The following DAB1 variants were observed in gnomAD, a reference collection of about 807,000 sequenced individuals.
DAB1 encodes the protein DAB adaptor protein 1, also known as disabled homolog 1.
In DAB1, 15 loss-of-function variants were observed where a neutral mutation model predicts 64.6. That is an observed-to-expected ratio of 0.23 (90% CI 0.16 to 0.36). DAB1 has a LOEUF of 0.36. Ranked by LOEUF, DAB1 falls within the 10% of genes least tolerant of loss-of-function variation. The pLI, the probability that DAB1 is intolerant of heterozygous loss-of-function variation, is 1.00. For synonymous variants in DAB1, 235 were observed against 251.9 expected, an observed-to-expected ratio of 0.93 and a Z score of 0.64; for missense variants, 596 against 706.7, an observed-to-expected ratio of 0.84 and a Z score of 1.78.
chr1:57,813,929 A>C (rs1404665688), intron 6 of DAB1, among the ~76,000 whole-genome samples: 6 of 152,250 alleles, frequency 3.9e-5, no homozygotes, highest in South Asian at 2.1e-4. Context: ...TAATGAAAGA[A>C]AATAAATATT....
chr1:57,302,777 G>A (rs1673775402), intron 1 of DAB1, among the ~76,000 whole-genome samples: 1 of 152,076 alleles, frequency 6.6e-6, no homozygotes, highest in South Asian at 2.1e-4. Context: ...CTTGGCACAA[G>A]GAGATTTAAA....
intron 1 of DAB1, among the ~76,000 whole-genome samples, chr1:57,342,991 A>AG (rs1338570863): frequency 2.0e-5 from 3 of 149,336 alleles, no homozygotes; most frequent in African/African-American, 7.4e-5. Context: ...AGGGGACCCG[A>AG]GCGGGTTGCC....
intron 7 of DAB1, among the ~76,000 whole-genome samples, chr1:57,600,105 C>A (rs1448320749): frequency 6.6e-6 from 1 of 152,118 alleles, no homozygotes; most frequent in Non-Finnish European, 1.5e-5. Context: ...CTCTGTGCCC[C>A]CTTAGTGATC....
At chr1:57,546,537 GGAT>G (rs1644858625) in intron 7 of DAB1, among the ~76,000 whole-genome samples, 2 of 152,112 alleles carry the variant, frequency 1.3e-5, no homozygotes, top group African/African-American at 2.4e-5. Flanking sequence ...TGTAAAATGA[GGAT>G]AATAATAGTA....
chr1:58,242,124 A>G (rs1660323393), intron 4 of DAB1, among the ~76,000 whole-genome samples: 1 of 152,140 alleles, frequency 6.6e-6, no homozygotes, highest in African/African-American at 2.4e-5. Flanking sequence ...ATTAAAAACT[A>G]TACAACCATT....
At chr1:57,469,454 C>T (rs1687066640) in intron 7 of DAB1, among the ~76,000 whole-genome samples, 1 of 152,098 alleles carries the variant, frequency 6.6e-6, no homozygotes, top group African/African-American at 2.4e-5. Context: ...TACTCCTTCC[C>T]TCCCTCATCA....
intron 7 of DAB1, among the ~76,000 whole-genome samples, chr1:57,487,365 C>T (rs917515721): frequency 1.2e-4 from 19 of 152,134 alleles, no homozygotes; most frequent in East Asian, 7.7e-4. Context: ...CCCAGATGCC[C>T]GCTGGCTGTG....
intron 5 of DAB1, among the ~76,000 whole-genome samples, chr1:57,977,142 T>A (rs2100328152): frequency 6.6e-6 from 1 of 152,290 alleles, no homozygotes; most frequent in East Asian, 1.9e-4. Context: ...CTCCTTCCAT[T>A]TCCACTCTAC....
At chr1:57,151,979 G>A (rs1416898775) in intron 2 of DAB1, among the ~76,000 whole-genome samples, 1 of 151,696 alleles carries the variant, frequency 6.6e-6, no homozygotes, top group Non-Finnish European at 1.5e-5. Flanking sequence ...ATGCCCGGCT[G>A]ATTTTTGTAT....
chr1:57,202,370 C>A (rs1253332299), intron 2 of DAB1, among the ~76,000 whole-genome samples: 2 of 152,160 alleles, frequency 1.3e-5, no homozygotes, highest in African/African-American at 4.8e-5. Flanking sequence ...TTGATGAGGA[C>A]AGATTTTGTT....
At chr1:57,940,044 G>A (rs1645080307) in intron 5 of DAB1, among the ~76,000 whole-genome samples, 1 of 152,204 alleles carries the variant, frequency 6.6e-6, no homozygotes, top group Admixed American at 6.5e-5. Context: ...ACCTACAGCA[G>A]TAATGATAAG....
At chr1:57,703,915 C>G in intron 6 of DAB1, among the ~76,000 whole-genome samples, 1 of 152,076 alleles carries the variant, frequency 6.6e-6, no homozygotes, top group East Asian at 1.9e-4. Flanking sequence ...AGGCCCTTAT[C>G]CTTAGCAAAC....
At position 58,047,928 on chromosome 1, in the gene DAB1, A is replaced by T. The variant is rs12136627; in HGVS notation, n.387+102583T>A. ...GGGTGCAAAAAAAAATCTACATTAA[A>T]ACCCTTTGTTGGAATGCTTTACACT... On this transcript the variant is annotated intron_variant and non_coding_transcript_variant, in intron 5 of 20. Transcript: ENST00000485760. The T allele has an allele frequency of 1.5e-3, 609 of 418,498 alleles. 1 individual carries two copies. The highest frequency in any genetic ancestry group is 2.4e-3 in the Non-Finnish European group (539 of 227,612). The allele number at this position is 418,498 out of a possible 1,614,324, so 25.9% of individuals were successfully genotyped here.
chr1:57,079,381 C>G (rs1402224599), intron 4 of DAB1, among the ~76,000 whole-genome samples: 1 of 152,114 alleles, frequency 6.6e-6, no homozygotes, highest in Admixed American at 6.6e-5. Flanking sequence ...TTGTCCACTC[C>G]TCTCCATCTC....
chr1:57,058,829 C>T (rs1034375197), intron 9 of DAB1, among the ~76,000 whole-genome samples: 10 of 152,196 alleles, frequency 6.6e-5, no homozygotes, highest in Non-Finnish European at 1.3e-4. Flanking sequence ...CAGTCCTCAG[C>T]GGGAACTATA....
intron 7 of DAB1, among the ~76,000 whole-genome samples, chr1:57,642,850 C>T (rs992083748): frequency 1.3e-5 from 2 of 152,180 alleles, no homozygotes; most frequent in African/African-American, 2.4e-5. Context: ...GTCATAATGT[C>T]TGCTAATATC....
chr1:58,183,809 C>T (rs1218122842), intron 4 of DAB1, among the ~76,000 whole-genome samples: 1 of 152,054 alleles, frequency 6.6e-6, no homozygotes, highest in African/African-American at 2.4e-5. Context: ...TTGTCTCCCC[C>T]AGATTGTACA....
chr1:58,496,225 C>T (rs1421396840), intron 3 of DAB1, among the ~76,000 whole-genome samples: 1 of 151,600 alleles, frequency 6.6e-6, no homozygotes, highest in Admixed American at 6.6e-5. Flanking sequence ...CCTCTATCTT[C>T]CGCATCAATG....
intron 4 of DAB1, among the ~76,000 whole-genome samples, chr1:58,236,167 A>G (rs2100364727): frequency 6.9e-6 from 1 of 145,878 alleles, no homozygotes; most frequent in East Asian, 2.1e-4. Context: ...CTGACTAATG[A>G]GCCAAGGCCA....
Sources: gnomAD v4.1 joint callset for allele counts (sites outside exome capture counted in the v4.1 genomes callset) on GRCh38, gnomAD v4.1.1 for gene constraint, MANE v1.5 for transcripts, NCBI Gene and HGNC (gene_info 2026-07-23, HGNC 2026-07-21) for gene names.